GCSAML: variants seen among roughly 807,000 people sequenced by gnomAD.
GCSAML encodes germinal center associated signaling and motility like.
Under a neutral mutation model 13.0 loss-of-function variants are expected in GCSAML, and 9 were observed. The ratio of observed to expected loss-of-function variants is 0.69; its 90% CI spans 0.42 to 1.21. GCSAML has a LOEUF of 1.21. Among genes scored for constraint, GCSAML ranks in the 50% most tolerant of loss-of-function variants. GCSAML has a pLI of 0.00. For synonymous variants in GCSAML, 37 were observed against 52.9 expected (o/e 0.70, Z 1.31); for missense variants, 143 against 153.4 (o/e 0.93, Z 0.36).
At chr1:247,512,797 G>T (rs1180864276) in intron 1 of GCSAML, among the ~76,000 whole-genome samples, 1 of 152,034 alleles carries the variant, frequency 6.6e-6, no homozygotes, top group Non-Finnish European at 1.5e-5. Context: ...GAGTTTGCTG[G>T]GGGTCCGCTC....
chr1:247,549,003 C>T, upstream of GCSAML: 1 of 1,509,048 alleles, frequency 6.6e-7, no homozygotes, highest in Non-Finnish European at 8.9e-7. Flanking sequence ...TTCCTTTCTG[C>T]CTCCCCTTTC....
intron 3 of GCSAML, among the ~76,000 whole-genome samples, chr1:247,564,500 T>C (rs1668265795): frequency 6.6e-6 from 1 of 152,034 alleles, no homozygotes; most frequent in Non-Finnish European, 1.5e-5. Context: ...TGGACAAGTA[T>C]ACCTAAAGGA....
chr1:247,524,240 T>A (rs1396661849), intron 1 of GCSAML, among the ~76,000 whole-genome samples: 1 of 151,476 alleles, frequency 6.6e-6, no homozygotes, highest in Non-Finnish European at 1.5e-5. Flanking sequence ...GCCTGAGGGA[T>A]CTCTCAGACC....
chr1:247,565,476 G>A (rs1277309152), intron 3 of GCSAML, among the ~76,000 whole-genome samples: 3 of 152,020 alleles, frequency 2.0e-5, no homozygotes, highest in Non-Finnish European at 2.9e-5. Flanking sequence ...ATAGTTACTC[G>A]TGTTATTTCT....
At chr1:247,573,038 C>T (rs1374495632) in intron 4 of GCSAML, among the ~76,000 whole-genome samples, 1 of 152,186 alleles carries the variant, frequency 6.6e-6, no homozygotes, top group Non-Finnish European at 1.5e-5. Context: ...GCTCGAATGT[C>T]CCAGGTCGAC....
intron 1 of GCSAML, among the ~76,000 whole-genome samples, chr1:247,513,551 T>C (rs59202216): frequency 0.024 from 3,702 of 152,222 alleles, 149 homozygotes; most frequent in African/African-American, 0.084. Context: ...GCGCCACTTG[T>C]GTATGGAAAA....
At chr1:247,509,302 CTGTT>C (rs777718727) in intron 1 of GCSAML, among the ~76,000 whole-genome samples, 1 of 152,132 alleles carries the variant, frequency 6.6e-6, no homozygotes, top group South Asian at 2.1e-4. Flanking sequence ...ATTTGGCTCT[CTGTT>C]TGTCTATTAT....
At chr1:247,516,889 A>C (rs886502141) in intron 1 of GCSAML, among the ~76,000 whole-genome samples, 21 of 152,206 alleles carry the variant, frequency 1.4e-4, no homozygotes, top group Non-Finnish European at 2.8e-4. Flanking sequence ...GGCGAGATCT[A>C]TGTTCCCAGC....
chr1:247,564,707 C>G (rs1668272336), intron 3 of GCSAML, among the ~76,000 whole-genome samples: 1 of 152,178 alleles, frequency 6.6e-6, no homozygotes, highest in Admixed American at 6.5e-5. Flanking sequence ...CACTTGAGAT[C>G]TATTCCCTTA....
intron 2 of GCSAML, among the ~76,000 whole-genome samples, chr1:247,563,099 T>C (rs575333092): frequency 2.2e-4 from 33 of 151,868 alleles, no homozygotes; most frequent in South Asian, 1.3e-3. Flanking sequence ...CTGCCCGCCT[T>C]GGCCTCCCAA....
chr1:247,542,061 A>G (rs1342548046), intron 2 of GCSAML, among the ~76,000 whole-genome samples: 2 of 152,052 alleles, frequency 1.3e-5, no homozygotes, highest in African/African-American at 4.8e-5. Flanking sequence ...AGACAAACTA[A>G]TAACTAATAA....
chr1:247,556,160 A>G (rs1667938095), intron 1 of GCSAML, among the ~76,000 whole-genome samples: 1 of 152,174 alleles, frequency 6.6e-6, no homozygotes, highest in Non-Finnish European at 1.5e-5. Flanking sequence ...TTGGGTCACA[A>G]GAAATCCTAA....
At chr1:247,558,559 G>A (rs1174696339) in intron 2 of GCSAML, among the ~76,000 whole-genome samples, 1 of 152,072 alleles carries the variant, frequency 6.6e-6, no homozygotes, top group African/African-American at 2.4e-5. Flanking sequence ...CCACTGATCT[G>A]ATTTCTGTTT....
At chr1:247,556,381 C>CT (rs766538385) in intron 1 of GCSAML, 26 bp from the exon 2 acceptor site, 7 of 1,573,460 alleles carry the variant, frequency 4.4e-6, no homozygotes, top group Non-Finnish European at 6.1e-6. Context: ...AACAATCTCT[C>CT]TTTTTTCTTA....
At chr1:247,565,667 A>G in intron 3 of GCSAML, 2 of 361,664 alleles carry the variant, frequency 5.5e-6, no homozygotes, top group Non-Finnish European at 9.8e-6. Context: ...CATCTTATTC[A>G]GTACATTAAT....
At chr1:247,550,652 C>CAA (rs59575324) in intron 1 of GCSAML, among the ~76,000 whole-genome samples, 55 of 149,262 alleles carry the variant, frequency 3.7e-4, no homozygotes, top group African/African-American at 5.9e-4. Context: ...AACAAACAAA[C>CAA]AAAAAAAAAT....
At chr1:247,517,316 C>A (rs940397877) in intron 1 of GCSAML, among the ~76,000 whole-genome samples, 1 of 152,186 alleles carries the variant, frequency 6.6e-6, no homozygotes, top group Non-Finnish European at 1.5e-5. Context: ...TACTAGGTGT[C>A]TTGTCTCTTT....
In GCSAML at chr1:247,522,285, C is replaced by T. The variant is rs1458574006; in HGVS notation, c.-262-4655C>T. On this transcript the variant is annotated intron_variant, in intron 1 of 5. Coordinates refer to the GCSAML transcript ENST00000366489. ...CCCCCACCCGGCTAGCCGCCCTGTC[C>T]GGGAGGGAGGTGGGGGGCGCCTCCA... is the stretch of plus-strand genomic sequence containing the variant. Among the ~76,000 whole-genome samples, 10 of 107,308 alleles carry T rather than the reference C, an allele frequency of 9.3e-5. No individual in the cohort carries two copies. The South Asian group carries it at 1.9e-3, about 21-fold the overall frequency. The allele number at this position is 107,308 out of a possible 152,430, so 70.4% of individuals were successfully genotyped here. A position where few individuals can be genotyped will look rare whatever the true frequency, so the allele number is the denominator to read the frequency against.
chr1:247,536,048 A>G (rs1667205080), intron 2 of GCSAML: 2 of 152,212 alleles, frequency 1.3e-5, no homozygotes, highest in South Asian at 4.1e-4. Context: ...AGATCATTTA[A>G]ACGGATCAGT....
Sources: allele counts gnomAD v4.1 joint callset (sites outside exome capture counted in the v4.1 genomes callset), GRCh38; gene constraint gnomAD v4.1.1; transcripts MANE v1.5; gene names NCBI Gene and HGNC (gene_info 2026-07-23, HGNC 2026-07-21).